The following ZNF385D variants were observed in gnomAD, a reference collection of about 807,000 sequenced individuals.
ZNF385D encodes zinc finger protein 385D.
Under a neutral mutation model 35.8 loss-of-function variants are expected in ZNF385D, and 15 were observed. The ratio of observed to expected loss-of-function variants is 0.42; its 90% CI spans 0.28 to 0.64. The LOEUF (loss-of-function observed/expected upper bound fraction) is 0.64. Ranked by LOEUF, ZNF385D falls within the 30% of genes least tolerant of loss-of-function variation. The pLI, the probability that ZNF385D is intolerant of heterozygous loss-of-function variation, is 0.23. For synonymous variants in ZNF385D, 212 were observed against 186.8 expected (o/e 1.13, Z -1.10); for missense variants, 474 against 494.6 (o/e 0.96, Z 0.39).
chr3:22,139,456 T>A (rs547465038), intron 3 of ZNF385D, among the ~76,000 whole-genome samples: 213 of 152,164 alleles, frequency 1.4e-3, no homozygotes, highest in African/African-American at 4.8e-3. Context: ...TGAGTTCATG[T>A]CCTTTGTAGG....
chr3:21,705,668 T>G (rs1398571944), intron 1 of ZNF385D, among the ~76,000 whole-genome samples: 1 of 152,206 alleles, frequency 6.6e-6, no homozygotes, highest in Non-Finnish European at 1.5e-5. Context: ...AAAAGACTTG[T>G]CCATGGTCAT....
At chr3:22,105,886 A>G (rs1044101068) in intron 3 of ZNF385D, among the ~76,000 whole-genome samples, 1 of 152,078 alleles carries the variant, frequency 6.6e-6, no homozygotes, top group Non-Finnish European at 1.5e-5. Context: ...TTAATCACCA[A>G]TTAATATAGT....
intron 2 of ZNF385D, among the ~76,000 whole-genome samples, chr3:22,319,791 C>A (rs1278891431): frequency 6.6e-6 from 1 of 152,282 alleles, no homozygotes; most frequent in Non-Finnish European, 1.5e-5. Context: ...ATATTGCACA[C>A]AACTTTCCTT....
intron 3 of ZNF385D, among the ~76,000 whole-genome samples, chr3:21,516,307 C>G: frequency 6.6e-6 from 1 of 152,002 alleles, no homozygotes; most frequent in South Asian, 2.1e-4. Flanking sequence ...CAGGAAGAAC[C>G]CAAAAAGATA....
intron 3 of ZNF385D, among the ~76,000 whole-genome samples, chr3:21,943,351 G>C (rs919689728): frequency 6.6e-6 from 1 of 151,146 alleles, no homozygotes; most frequent in Admixed American, 6.6e-5. Context: ...GAGTGAGAAA[G>C]AATAAGTAAT....
chr3:21,512,055 G>A (rs1707253470), intron 3 of ZNF385D, among the ~76,000 whole-genome samples: 2 of 148,270 alleles, frequency 1.3e-5, no homozygotes, highest in African/African-American at 2.5e-5. Context: ...GCTGAGGCAG[G>A]AGAATCGCTT....
At chr3:22,129,108 T>G (rs552194680) in intron 3 of ZNF385D, among the ~76,000 whole-genome samples, 1 of 152,290 alleles carries the variant, frequency 6.6e-6, no homozygotes, top group African/African-American at 2.4e-5. Context: ...CTTGGTGGTC[T>G]TGGGTAAGAT....
intron 3 of ZNF385D, among the ~76,000 whole-genome samples, chr3:21,944,282 C>G (rs1684484): frequency 0.98 from 148,871 of 152,222 alleles, 72,823 homozygotes; most frequent in East Asian, 1. Context: ...GTCGTCTCTG[C>G]AGATTTTCTC....
chr3:21,438,059 A>G (rs926025264), intron 4 of ZNF385D, among the ~76,000 whole-genome samples: 2 of 152,164 alleles, frequency 1.3e-5, no homozygotes, highest in Non-Finnish European at 2.9e-5. Flanking sequence ...CTGATGCTAA[A>G]TCTGGAGAGA....
intron 2 of ZNF385D, among the ~76,000 whole-genome samples, chr3:22,324,113 G>C (rs925611959): frequency 1.3e-5 from 2 of 152,110 alleles, no homozygotes; most frequent in African/African-American, 2.4e-5. Context: ...GCGGGGAAAG[G>C]AATAGATGGA....
At chr3:22,135,903 T>C (rs966487401) in intron 3 of ZNF385D, among the ~76,000 whole-genome samples, 1 of 152,174 alleles carries the variant, frequency 6.6e-6, no homozygotes, top group Non-Finnish European at 1.5e-5. Flanking sequence ...TAATAAATGA[T>C]ACTAAGACAA....
At chr3:21,906,314 A>T (rs998977914) in intron 3 of ZNF385D, among the ~76,000 whole-genome samples, 1 of 152,222 alleles carries the variant, frequency 6.6e-6, no homozygotes, top group Non-Finnish European at 1.5e-5. Context: ...CAAGATGAAC[A>T]TAGAAAGACG....
chr3:21,893,125 TCTCAGAG>T (rs1182502864), intron 3 of ZNF385D, among the ~76,000 whole-genome samples: 1 of 152,102 alleles, frequency 6.6e-6, no homozygotes, highest in Non-Finnish European at 1.5e-5. Flanking sequence ...TCACGTAACC[TCTCAGAG>T]CTTTAAGTTT....
chr3:21,689,335 T>C (rs2067208753), intron 1 of ZNF385D, among the ~76,000 whole-genome samples: 2 of 152,098 alleles, frequency 1.3e-5, no homozygotes, highest in African/African-American at 2.4e-5. Flanking sequence ...GTGTGCTCTG[T>C]TGCGGGGCAG....
chr3:21,635,023 C>A (rs751552544), intron 2 of ZNF385D, among the ~76,000 whole-genome samples: 2 of 151,992 alleles, frequency 1.3e-5, no homozygotes, highest in Non-Finnish European at 2.9e-5. Context: ...AAAGGCACTT[C>A]CCTAAAAATC....
chr3:22,253,503 A>G (rs1004253535), intron 2 of ZNF385D, among the ~76,000 whole-genome samples: 2 of 151,958 alleles, frequency 1.3e-5, no homozygotes, highest in Non-Finnish European at 2.9e-5. Flanking sequence ...TACACTTTTA[A>G]TAGTTCGGTT....
At chr3:21,813,329 C>A (rs1336850304) in intron 3 of ZNF385D, among the ~76,000 whole-genome samples, 4 of 152,174 alleles carry the variant, frequency 2.6e-5, no homozygotes, top group African/African-American at 9.7e-5. Flanking sequence ...AGCAATGGAA[C>A]AAAGCTGGAC....
intron 2 of ZNF385D, among the ~76,000 whole-genome samples, chr3:21,613,252 A>T (rs1238744383): frequency 2.0e-5 from 3 of 151,958 alleles, no homozygotes; most frequent in Non-Finnish European, 4.4e-5. Flanking sequence ...ACCCAACTCA[A>T]CTTCCCCCAT....
chr3:21,844,968 CAT>C (rs896243762), intron 3 of ZNF385D, among the ~76,000 whole-genome samples: 3 of 151,718 alleles, frequency 2.0e-5, no homozygotes, highest in African/African-American at 7.3e-5. Flanking sequence ...CACTTTAAAA[CAT>C]GTGTTGATGT....
Sources: allele counts gnomAD v4.1 joint callset (sites outside exome capture counted in the v4.1 genomes callset), GRCh38; gene constraint gnomAD v4.1.1; transcripts MANE v1.5; gene names NCBI Gene and HGNC (gene_info 2026-07-23, HGNC 2026-07-21).